The following ZNF717 variants were observed in gnomAD, a reference collection of about 807,000 sequenced individuals.
ZNF717 encodes the protein zinc finger protein 717, also known as krueppel-like factor X17.
Under a neutral mutation model 13.8 loss-of-function variants are expected in ZNF717, and 9 were observed. The observed-to-expected ratio is 0.65, with a 90% CI of 0.39 to 1.14. The LOEUF (loss-of-function observed/expected upper bound fraction) is 1.14. Among genes scored for constraint, ZNF717 ranks in the 50% most tolerant of loss-of-function variants. ZNF717 has a pLI of 0.01. For missense variants in ZNF717, 1,040 were observed against 1,080.7 expected, an observed-to-expected ratio of 0.96 and a Z score of 0.53; for synonymous variants, 327 against 364.1, an observed-to-expected ratio of 0.90 and a Z score of 1.16.
intron 2 of ZNF717, among the ~76,000 whole-genome samples, chr3:75,772,674 G>A (rs903110749): frequency 1.3e-5 from 2 of 149,258 alleles, no homozygotes; most frequent in African/African-American, 4.9e-5. Flanking sequence ...ATGCTCGCTT[G>A]CTCACACACC....
At chr3:75,749,978 C>T (rs1941575685) in intron 2 of ZNF717, among the ~76,000 whole-genome samples, 2 of 151,416 alleles carry the variant, frequency 1.3e-5, no homozygotes, top group South Asian at 4.2e-4. Context: ...AATGTTTGCC[C>T]CTCACACAGG....
chr3:75,735,164 C>T (rs1939007083), downstream of ZNF717, among the ~76,000 whole-genome samples: 1 of 152,116 alleles, frequency 6.6e-6, no homozygotes, highest in East Asian at 1.9e-4. Flanking sequence ...TGTATGCTTA[C>T]ATATAAGTGA....
At chr3:75,703,967 C>T (rs1319589570) in intron 6 of ZNF717, among the ~76,000 whole-genome samples, 17 of 152,134 alleles carry the variant, frequency 1.1e-4, no homozygotes, top group African/African-American at 3.9e-4. Flanking sequence ...AAGACATCTT[C>T]CACCAAGCCT....
At chr3:75,708,070 A>G (rs1369443575), downstream of ZNF717, among the ~76,000 whole-genome samples, 1 of 152,206 alleles carries the variant, frequency 6.6e-6, no homozygotes, top group Non-Finnish European at 1.5e-5. Context: ...TGCAGACTCA[A>G]ATGTACCTGT....
chr3:75,775,447 ATGAAAAGGACCC>A (rs1285815843), intron 2 of ZNF717, among the ~76,000 whole-genome samples: 3 of 152,266 alleles, frequency 2.0e-5, no homozygotes, highest in African/African-American at 7.2e-5. Context: ...TCATGAAAGA[ATGAAAAGGACCC>A]TGAAAAACAC....
chr3:75,768,548 G>A (rs1943669083), intron 2 of ZNF717, among the ~76,000 whole-genome samples: 1 of 149,760 alleles, frequency 6.7e-6, no homozygotes, highest in Non-Finnish European at 1.5e-5. Context: ...TGTGTGGGGG[G>A]GTAGATGACA....
At chr3:75,752,127 G>A (rs2107421841) in intron 2 of ZNF717, among the ~76,000 whole-genome samples, 1 of 149,300 alleles carries the variant, frequency 6.7e-6, no homozygotes, top group African/African-American at 2.5e-5. Context: ...CTGAATATCT[G>A]TCCCCCACAT....
chr3:75,751,807 G>A (rs935813343), intron 2 of ZNF717, among the ~76,000 whole-genome samples: 1 of 151,342 alleles, frequency 6.6e-6, no homozygotes, highest in African/African-American at 2.4e-5. Context: ...CCCTCAGATA[G>A]GATTTGAGAA....
At chr3:75,698,874 C>T (rs1937634367) in intron 6 of ZNF717, among the ~76,000 whole-genome samples, 1 of 152,302 alleles carries the variant, frequency 6.6e-6, no homozygotes. Context: ...TTGCACCCTG[C>T]ACCTGGAAAA....
At chr3:75,742,403 T>C (rs1940593673) in intron 2 of ZNF717, among the ~76,000 whole-genome samples, 1 of 150,136 alleles carries the variant, frequency 6.7e-6, no homozygotes, top group South Asian at 2.1e-4. Flanking sequence ...TATAAACACA[T>C]ACTGGGAATA....
downstream of ZNF717, among the ~76,000 whole-genome samples, chr3:75,729,466 T>G (rs1038546189): frequency 5.2e-3 from 798 of 152,226 alleles, 4 homozygotes; most frequent in African/African-American, 0.019. Context: ...AAATACAAAA[T>G]TAGCCAAGTG....
chr3:75,760,021 A>G (rs972254005), intron 2 of ZNF717, among the ~76,000 whole-genome samples: 11 of 152,068 alleles, frequency 7.2e-5, no homozygotes, highest in Admixed American at 7.2e-4. Flanking sequence ...AATATGTCTG[A>G]AATTTTTTCT....
intron 2 of ZNF717, among the ~76,000 whole-genome samples, chr3:75,776,881 T>C (rs1944362141): frequency 1.3e-5 from 2 of 152,282 alleles, no homozygotes; most frequent in South Asian, 4.2e-4. Context: ...ATTATAAAGA[T>C]TTGGTTGTAG....
intron 2 of ZNF717, among the ~76,000 whole-genome samples, chr3:75,765,848 C>A (rs1171415867): frequency 6.6e-6 from 1 of 152,212 alleles, no homozygotes; most frequent in African/African-American, 2.4e-5. Context: ...GTGGCTCATG[C>A]CTGTAATCCC....
chr3:75,745,217 T>A (rs1289993396), intron 2 of ZNF717, among the ~76,000 whole-genome samples: 1 of 151,438 alleles, frequency 6.6e-6, no homozygotes, highest in Non-Finnish European at 1.5e-5. Flanking sequence ...TTAATTGACA[T>A]ATGACATTGC....
rs1470525328 is a variant in ZNF717 at position 75,737,210 on chromosome 3, G to C, written c.2413C>G (p.Gln805Glu). The change falls in exon 5 of 5, where the codon CAG (glutamine) becomes GAG (glutamate). Residue 805 changes from glutamine (Q) to glutamate (E), a missense_variant. Coordinates refer to ENST00000652011, the MANE Select transcript of ZNF717 (RefSeq NM_001290208.3). ...GGCTTCTCACCTGTGTGAGTTCTCT[G>C]ATGTATGGTGAGAACTGTCTTATCG... ...FYDKTVLTIH[Q>E]RTHTGEKPFE... is the part of the protein sequence containing the mutation. 1 of 1,553,922 alleles carries C rather than the reference G, an allele frequency of 6.4e-7. No individual in the cohort carries two copies. Among genetic ancestry groups the C allele is most frequent in the South Asian group, 1.2e-5 (1 of 84,330 alleles).
At chr3:75,704,448 A>C (rs1937759754) in intron 6 of ZNF717, among the ~76,000 whole-genome samples, 1 of 151,882 alleles carries the variant, frequency 6.6e-6, no homozygotes, top group East Asian at 1.9e-4. Flanking sequence ...AGAGTCGTGA[A>C]GCCATTCAGG....
downstream of ZNF717, among the ~76,000 whole-genome samples, chr3:75,733,996 G>A (rs1938847209): frequency 7.0e-6 from 1 of 142,000 alleles, no homozygotes; most frequent in South Asian, 2.4e-4. Context: ...GATGTGTCAT[G>A]TGAGAAAATA....
At chr3:75,711,107 A>C (rs1333305255) in exon 6 of ZNF717, 1 of 152,254 alleles carries the variant, frequency 6.6e-6, no homozygotes, top group Non-Finnish European at 1.5e-5. Flanking sequence ...AAGCCTTAAT[A>C]ATATAACCAA....
Sources: allele counts gnomAD v4.1 joint callset (sites outside exome capture counted in the v4.1 genomes callset), GRCh38; gene constraint gnomAD v4.1.1; transcripts MANE v1.5; gene names NCBI Gene and HGNC (gene_info 2026-07-23, HGNC 2026-07-21).